C19orf44: variants seen among roughly 807,000 people sequenced by gnomAD.
C19orf44 encodes uncharacterized protein C19orf44.
Under a neutral mutation model 50.7 loss-of-function variants are expected in C19orf44, and 43 were observed. The ratio of observed to expected loss-of-function variants is 0.85; its 90% CI spans 0.66 to 1.09. The LOEUF is 1.09. C19orf44 is among the 50% of genes least tolerant of loss of function. The pLI is 0.00. For missense variants in C19orf44, 722 were observed against 836.2 expected (o/e 0.86, Z 1.68); for synonymous variants, 298 against 334.7 (o/e 0.89, Z 1.20).
In C19orf44 at chr19:16,514,744, C is replaced by T. The variant is rs939647836; in HGVS notation, c.1902+81C>T. 1.5e-4 allele frequency: 208 copies of T among 1,398,616 alleles called. 4 individuals carry two copies. In the South Asian group the frequency reaches 2.5e-3, roughly 17 times the overall value. The allele number at this position is 1,398,616 out of a possible 1,614,324, so 86.6% of individuals were successfully genotyped here. A position where few individuals can be genotyped will look rare whatever the true frequency, so the allele number is the denominator to read the frequency against. On this transcript the variant is annotated intron_variant, in intron 7 of 8. Transcript: ENST00000221671. ...GAGGCCGGGCCGAAGGGATATGGGC[C>T]GGGGCCTGGGCTCCAGCGCTCAGCC...
At position 16,520,448 on chromosome 19, in the gene C19orf44, T is replaced by C. The variant is rs1270866330; in HGVS notation, c.*395T>C. 1 of 1,613,726 alleles carries C rather than the reference T, an allele frequency of 6.2e-7. No individual in the cohort carries two copies. The highest frequency in any genetic ancestry group is 8.5e-7 in the Non-Finnish European group (1 of 1,179,978). On this transcript the variant is annotated 3_prime_UTR_variant, in exon 9 of 9. Transcript: ENST00000221671. This position sits in a 1 kb window ranked among gnomAD's most constrained non-coding sequence, Gnocchi z 4.0. ...GCCTGAAGACTTGGAGGATCTTGAG[T>C]TGGAGCGGGAGGAAGAACGCCCTCG... is the stretch of plus-strand genomic sequence containing the variant.
Position 16,501,017 on chromosome 19 carries a change from G to A in C19orf44, c.225G>A (p.Arg75=). The A allele has an allele frequency of 6.2e-7, 1 of 1,614,010 alleles. No individual in the cohort carries two copies. The highest frequency in any genetic ancestry group is 1.1e-5 in the South Asian group (1 of 91,078). The part of the protein sequence containing the change: ...KENPVLGSGP[R]LASCRPPTTA... The stretch of plus-strand genomic sequence containing the variant: ...ACCCTGTGCTCGGGAGTGGACCCAG[G>A]CTTGCCTCATGTAGACCGCCCACCA... The change falls in exon 2 of 9, where the codon AGG becomes AGA. Residue 75 remains arginine, a synonymous_variant. Coordinates refer to ENST00000221671, the MANE Select transcript of C19orf44 (RefSeq NM_032207.4).
chr19:16,498,961 C>T (rs1349001561), intron 1 of C19orf44, among the ~76,000 whole-genome samples: 4 of 152,162 alleles, frequency 2.6e-5, no homozygotes, highest in South Asian at 4.1e-4. Flanking sequence ...TGAGCCACCA[C>T]GCCTAGTCTG....
chr19:16,507,464 TTTA>T (rs1216337150), intron 4 of C19orf44, among the ~76,000 whole-genome samples: 18 of 150,644 alleles, frequency 1.2e-4, no homozygotes, highest in South Asian at 2.1e-4. Context: ...TTGTTTTTAT[TTTA>T]TTATTATTAT....
At chr19:16,515,484 T>C (rs1277005979) in intron 7 of C19orf44, among the ~76,000 whole-genome samples, 5 of 152,256 alleles carry the variant, frequency 3.3e-5, no homozygotes, top group Admixed American at 6.5e-5. Flanking sequence ...AGCTGATATA[T>C]ATACTCCTTC....
At chr19:16,506,853 A>T in intron 4 of C19orf44, 79 bp downstream of exon 4, 2 of 1,105,078 alleles carry the variant, frequency 1.8e-6, no homozygotes, top group Non-Finnish European at 2.6e-6. Context: ...TAAAAAATTT[A>T]AAAATTGAGG....
Position 16,519,127 on chromosome 19 carries a change from C to A in C19orf44, c.*41-967C>A. ...CAGGAAGGTCCCACAGCCGGCACCG[C>A]TGGCCACCGGCGCGGCTCCCGGCAT... On this transcript the variant is annotated intron_variant, in intron 8 of 8. Transcript: ENST00000221671. This position sits in a 1 kb window ranked among gnomAD's most constrained non-coding sequence, Gnocchi z 6.0. The A allele has an allele frequency of 2.5e-6, 4 of 1,595,554 alleles. No individual in the cohort carries two copies. The highest frequency in any genetic ancestry group is 3.4e-6 in the Non-Finnish European group (4 of 1,170,934).
chr19:16,513,866 G>A (rs1447607498), intron 6 of C19orf44, among the ~76,000 whole-genome samples: 1 of 152,222 alleles, frequency 6.6e-6, no homozygotes. Context: ...TGAGGCATGA[G>A]GGAGGGGCCC....
intron 7 of C19orf44, 65 bp downstream of exon 7, chr19:16,514,728 C>G: frequency 6.9e-7 from 1 of 1,442,474 alleles, no homozygotes; most frequent in Non-Finnish European, 9.2e-7. Context: ...AGAGGCCGGG[C>G]CGAAGGGATA....
rs539988390 is a variant in C19orf44 at position 16,502,585 on chromosome 19, C to T, written c.760-480C>T. 7.9e-5 allele frequency among the ~76,000 whole-genome samples: 12 copies of T among 152,182 alleles called. No homozygotes were observed. The East Asian group carries it at 2.1e-3, about 27-fold the overall frequency. ...AACATTATCTTACCTAAATATTGTA[C>T]TGTGACTTTCAGAAATGAAGAGAGA... On this transcript the variant is annotated intron_variant, in intron 2 of 8. Coordinates refer to ENST00000221671, the MANE Select transcript of C19orf44 (RefSeq NM_032207.4).
At position 16,506,754 on chromosome 19, in the gene C19orf44, A is replaced by G; in HGVS notation, c.1129A>G (p.Asn377Asp). The G allele has an allele frequency of 6.2e-7, 1 of 1,605,680 alleles. No individual in the cohort carries two copies. The highest frequency in any genetic ancestry group is 8.5e-7 in the Non-Finnish European group (1 of 1,175,842). Residue 377 changes from asparagine (N) to aspartate (D), a missense_variant, in exon 4 of 9, where the codon AAC (asparagine) becomes GAC (aspartate). Physicochemically the swap from Asn to Asp is conservative, Grantham distance 23. Coordinates refer to ENST00000221671, the MANE Select transcript of C19orf44 (RefSeq NM_032207.4). ...CGGTCTGGCTCCAGCTGTCAGTGAG[A>G]ACTCCGATTTGGAACAGGAAGTAAG... ...LDGLAPAVSE[N>D]SDLEQEEESA...
intron 1 of C19orf44, among the ~76,000 whole-genome samples, chr19:16,500,287 G>A (rs1036873848): frequency 1.3e-5 from 2 of 152,020 alleles, no homozygotes; most frequent in African/African-American, 4.8e-5. Flanking sequence ...GTTAAATACA[G>A]GGATACCTCG....
At position 16,520,976 on chromosome 19, in the gene C19orf44, G is replaced by A; in HGVS notation, c.*923G>A. On this transcript the variant is annotated 3_prime_UTR_variant, in exon 9 of 9. Transcript: ENST00000221671. The surrounding 1 kb of genome is among the most constrained non-coding windows in gnomAD (Gnocchi z 4.0). Reference sequence around the variant, plus strand: ...CCACCCACAAGGAAGTCGTGAAAAAGTCATCAGGAGTTAATCCACAGAACC... The same window carrying A: ...CCACCCACAAGGAAGTCGTGAAAAAATCATCAGGAGTTAATCCACAGAACC... 7 of 1,364,394 alleles carry A rather than the reference G, an allele frequency of 5.1e-6. No individual in the cohort carries two copies. Among genetic ancestry groups the A allele is most frequent in the Non-Finnish European group, 7.3e-6 (7 of 957,004 alleles). The allele number at this position is 1,364,394 out of a possible 1,614,324, so 84.5% of individuals were successfully genotyped here.
chr19:16,503,432 C>A (rs887340085), intron 3 of C19orf44, 52 bp downstream of exon 3: 2 of 1,552,720 alleles, frequency 1.3e-6, no homozygotes, highest in Non-Finnish European at 1.7e-6. Context: ...AGGGTGGGGC[C>A]ACCTTTAGAG....
rs1388029094 is a variant in C19orf44 at position 16,519,474 on chromosome 19, C to T, written c.*41-620C>T. ...AAATGGGTAGAGAGAACCCGCAGGC[C>T]GGCCCTGTCTAGAGGGTCTGGGTGG... On this transcript the variant is annotated intron_variant, in intron 8 of 8. Transcript: ENST00000221671. The surrounding 1 kb of genome is among the most constrained non-coding windows in gnomAD (Gnocchi z 6.0). The T allele has an allele frequency of 1.6e-5, 20 of 1,272,888 alleles. No individual in the cohort carries two copies. The highest frequency in any genetic ancestry group is 2.7e-4 in the Middle Eastern group (1 of 3,756). 78.8% of individuals were successfully genotyped at this position (1,272,888 alleles called of 1,614,324 possible).
At chr19:16,515,970 A>T (rs1010027859) in intron 7 of C19orf44, among the ~76,000 whole-genome samples, 2 of 151,918 alleles carry the variant, frequency 1.3e-5, no homozygotes, top group Non-Finnish European at 2.9e-5. Context: ...CTAATTTTTC[A>T]TATCTTTAGT....
At position 16,506,774 on chromosome 19, in the gene C19orf44, AG is replaced by A; in HGVS notation, c.1149+1del. On this transcript the variant is annotated splice_donor_variant, in intron 4 of 8. Coordinates refer to ENST00000221671, the MANE Select transcript of C19orf44 (RefSeq NM_032207.4). LOFTEE classifies it high-confidence loss of function. ...GTGAGAACTCCGATTTGGAACAGGA[AG>A]TAAGTACAACAAAGTCATTTTTCAT... 6.3e-7 allele frequency: 1 copy of A among 1,594,170 alleles called. No homozygotes were observed. Among genetic ancestry groups the A allele is most frequent in the Non-Finnish European group, 8.6e-7 (1 of 1,168,816 alleles).
intron 3 of C19orf44, 140 bp downstream of exon 3, chr19:16,503,520 T>C (rs565117797): frequency 8.0e-6 from 7 of 874,740 alleles, no homozygotes; most frequent in South Asian, 1.8e-5. Context: ...TTTCTAACTT[T>C]CTTGTCTGGT....
chr19:16,499,661 T>G (rs2093419461), intron 1 of C19orf44: 2 of 152,156 alleles, frequency 1.3e-5, no homozygotes, highest in South Asian at 4.1e-4. Context: ...TTCAGGGGTA[T>G]ATGGGAACTC....
Sources: allele counts gnomAD v4.1 joint callset (sites outside exome capture counted in the v4.1 genomes callset), GRCh38; gene constraint gnomAD v4.1.1; non-coding constraint Gnocchi (gnomAD v3.1); transcripts MANE v1.5; gene names NCBI Gene and HGNC (gene_info 2026-07-23, HGNC 2026-07-21).